The following TRMT9B variants were observed in gnomAD, a reference collection of about 807,000 sequenced individuals.
TRMT9B encodes the protein tRNA methyltransferase 9B (putative).
TRMT9B carries 16 observed loss-of-function variants against 11.5 expected under a neutral mutation model. That is an observed-to-expected ratio of 1.39 (90% confidence interval 0.94 to 2.11). The LOEUF (loss-of-function observed/expected upper bound fraction) is 2.11, where lower values mean the gene tolerates loss of function less well. Among genes scored for constraint, TRMT9B ranks in the 30% most tolerant of loss-of-function variants. The probability of loss-of-function intolerance (pLI) is 0.00; values close to 1 mark genes in which losing one functional copy is unlikely to be tolerated. For synonymous variants in TRMT9B, 274 were observed against 192.4 expected (o/e 1.42, Z -3.51); for missense variants, 941 against 553.8 (o/e 1.70, Z -7.02).
chr8:12,982,661 C>CA (rs199524978), intron 1 of TRMT9B, among the ~76,000 whole-genome samples: 6,606 of 135,292 alleles, frequency 0.049, 175 homozygotes, highest in African/African-American at 0.086. Context: ...GACTCCATCT[C>CA]AAAAAAAAAA....
At chr8:12,963,688 A>G (rs937924029) in intron 1 of TRMT9B, among the ~76,000 whole-genome samples, 4 of 150,926 alleles carry the variant, frequency 2.7e-5, no homozygotes, top group Non-Finnish European at 4.4e-5. Context: ...GGTCAATGCT[A>G]TGATGAGCCG....
intron 1 of TRMT9B, among the ~76,000 whole-genome samples, chr8:12,961,423 C>G (rs978774201): frequency 1.3e-5 from 2 of 151,922 alleles, no homozygotes; most frequent in Non-Finnish European, 2.9e-5. Context: ...TACCTTCGGC[C>G]GGGCGCGGTG....
chr8:12,978,708 C>G lies in TRMT9B; in HGVS notation c.-199-12126C>G, dbSNP rs115392573. ...TTGCTACACCTTAGTTATCTTTAAC[C>G]AAGACATACACAGCGTCTCAACTCT... On this transcript the variant is annotated intron_variant, in intron 1 of 4. Coordinates refer to ENST00000524591, the MANE Select transcript of TRMT9B (RefSeq NM_020844.3). Among the ~76,000 whole-genome samples, 480 of 152,248 alleles carry G rather than the reference C, an allele frequency of 3.2e-3. 4 individuals are homozygous for G. The highest frequency in any genetic ancestry group is 0.01 in the African/African-American group (416 of 41,538).
chr8:13,011,723 AGT>A, intron 3 of TRMT9B: 2 of 973,850 alleles, frequency 2.1e-6, no homozygotes, highest in South Asian at 4.7e-5. Flanking sequence ...GCTACTGGAA[AGT>A]GAATATCAAA....
At chr8:13,010,669 A>T (rs1188255961) in intron 3 of TRMT9B, 11 of 984,218 alleles carry the variant, frequency 1.1e-5, no homozygotes, top group Non-Finnish European at 1.3e-5. Context: ...CATTCTAAAG[A>T]TGTATGAGTC....
chr8:12,966,157 C>T (rs535283908), intron 1 of TRMT9B, among the ~76,000 whole-genome samples: 1 of 152,028 alleles, frequency 6.6e-6, no homozygotes, highest in East Asian at 1.9e-4. Flanking sequence ...AAGACCCCCC[C>T]CATCTCTACA....
At chr8:12,993,699 C>G (rs962969582) in intron 2 of TRMT9B, among the ~76,000 whole-genome samples, 1 of 152,228 alleles carries the variant, frequency 6.6e-6, no homozygotes, top group African/African-American at 2.4e-5. Context: ...TTGCTCCAGT[C>G]AGAGTCCCTT....
intron 1 of TRMT9B, among the ~76,000 whole-genome samples, chr8:12,964,178 T>C (rs1802507375): frequency 6.6e-6 from 1 of 152,196 alleles, no homozygotes; most frequent in Non-Finnish European, 1.5e-5. Context: ...GTTTTGTTAT[T>C]TTAAAGCTAT....
rs138128482 is a variant in TRMT9B at position 13,023,196 on chromosome 8, T to C, written c.*1152T>C. ...AATATCCAAGACCAAGATTGACTAA[T>C]GATGAGTCTGCATCAAGAACTAGGC... On this transcript the variant is annotated 3_prime_UTR_variant, in exon 5 of 5. Coordinates refer to ENST00000524591, the MANE Select transcript of TRMT9B (RefSeq NM_020844.3). 3 of 167,262 alleles carry C rather than the reference T, an allele frequency of 1.8e-5. No individual in the cohort carries two copies. The highest frequency in any genetic ancestry group is 6.5e-5 in the Admixed American group (1 of 15,308). 10.4% of individuals were successfully genotyped at this position (167,262 alleles called of 1,614,324 possible).
chr8:12,974,541 A>T (rs749340834), intron 1 of TRMT9B, among the ~76,000 whole-genome samples: 1 of 152,168 alleles, frequency 6.6e-6, no homozygotes, highest in African/African-American at 2.4e-5. Flanking sequence ...GTTTCCAGGG[A>T]TATGAAGTCA....
intron 1 of TRMT9B, among the ~76,000 whole-genome samples, chr8:12,949,871 T>A (rs1394894642): frequency 6.6e-6 from 1 of 152,110 alleles, no homozygotes; most frequent in Non-Finnish European, 1.5e-5. Context: ...TATTTACTTA[T>A]TTTGAGATAG....
rs79541331 is a variant in TRMT9B at position 13,024,540 on chromosome 8, G to C, written c.*2496G>C. On this transcript the variant is annotated 3_prime_UTR_variant, in exon 5 of 5. Coordinates refer to ENST00000524591, the MANE Select transcript of TRMT9B (RefSeq NM_020844.3). ...CCTGGCCTTGCTGCTAGAAATCTGT[G>C]CTTGAAGTCCTCTCTTTCTGCTGCT... The C allele has an allele frequency of 0.019, 3,232 of 167,190 alleles. 39 individuals are homozygous for C. Among genetic ancestry groups the C allele is most frequent in the South Asian group, 0.027 (132 of 4,820 alleles). The allele number at this position is 167,190 out of a possible 1,614,324, so 10.4% of individuals were successfully genotyped here.
At chr8:12,972,439 T>A (rs1199751818) in intron 1 of TRMT9B, among the ~76,000 whole-genome samples, 1 of 151,926 alleles carries the variant, frequency 6.6e-6, no homozygotes, top group Non-Finnish European at 1.5e-5. Flanking sequence ...CCTGGGAAAG[T>A]GAAAGAAACT....
In TRMT9B at chr8:13,027,435, A is replaced by G. The variant is rs1814821316; in HGVS notation, c.*5391A>G. On this transcript the variant is annotated 3_prime_UTR_variant, in exon 5 of 5. Transcript: ENST00000524591. ...TACCCTAGACGTATTAACATCCTATAGCGCACGTGTTCTGTGGGATATATT... is the reference window on the plus strand; with the variant it reads ...TACCCTAGACGTATTAACATCCTATGGCGCACGTGTTCTGTGGGATATATT... The G allele has an allele frequency of 6.0e-6, 1 of 167,230 alleles. No individual in the cohort carries two copies. The highest frequency in any genetic ancestry group is 1.9e-4 in the East Asian group (1 of 5,190). 10.4% of individuals were successfully genotyped at this position (167,230 alleles called of 1,614,324 possible).
intron 4 of TRMT9B, among the ~76,000 whole-genome samples, chr8:13,015,537 G>A (rs1812482051): frequency 6.8e-6 from 1 of 147,538 alleles, no homozygotes; most frequent in Admixed American, 7.0e-5. Flanking sequence ...AATTTTTTTT[G>A]TAGAGATGGG....
chr8:12,985,553 T>C (rs192198516), intron 1 of TRMT9B, among the ~76,000 whole-genome samples: 2 of 152,348 alleles, frequency 1.3e-5, no homozygotes, highest in Admixed American at 6.5e-5. Context: ...TCAGCTCTTA[T>C]TCTGTGTTAC....
intron 1 of TRMT9B, chr8:12,952,806 C>A (rs1800800162): frequency 3.8e-5 from 15 of 397,552 alleles, no homozygotes; most frequent in Non-Finnish European, 4.8e-5. Flanking sequence ...ATGGCACGAT[C>A]TCGGCTCACT....
At position 13,027,248 on chromosome 8, in the gene TRMT9B, A is replaced by T. The variant is rs142470750; in HGVS notation, c.*5204A>T. The T allele has an allele frequency of 2.7e-4, 45 of 167,118 alleles. No individual in the cohort carries two copies. The East Asian group carries it at 5.0e-3, about 19-fold the overall frequency. The allele number at this position is 167,118 out of a possible 1,614,324, so 10.4% of individuals were successfully genotyped here. The stretch of plus-strand genomic sequence containing the variant: ...GTACCCAGAATATTAGAATTAACTG[A>T]CCCACAGGTGCCAAGCTGAAACATT... On this transcript the variant is annotated 3_prime_UTR_variant, in exon 5 of 5. Coordinates refer to ENST00000524591, the MANE Select transcript of TRMT9B (RefSeq NM_020844.3).
rs771482020 is a variant in TRMT9B at position 12,989,436 on chromosome 8, T to G, written c.-199-1398T>G. ...AAAGAAGCAAAATCAGTCATATTTG[T>G]AGGTGTTTTGGGTGCCTGATTTGGG... On this transcript the variant is annotated intron_variant, in intron 1 of 4. Coordinates refer to ENST00000524591, the MANE Select transcript of TRMT9B (RefSeq NM_020844.3). Among the ~76,000 whole-genome samples, 25 of 152,350 alleles carry G rather than the reference T, an allele frequency of 1.6e-4. 1 individual carries two copies. Among genetic ancestry groups the G allele is most frequent in the Middle Eastern group, 3.4e-3 (1 of 294 alleles).
Sources: allele counts gnomAD v4.1 joint callset (sites outside exome capture counted in the v4.1 genomes callset), GRCh38; gene constraint gnomAD v4.1.1; transcripts MANE v1.5; gene names NCBI Gene and HGNC (gene_info 2026-07-23, HGNC 2026-07-21).